Variants in MSH3 observed in about 807,000 individuals in gnomAD.
MSH3 encodes the protein mutS homolog 3.
A neutral mutation model predicts 123.3 loss-of-function variants in MSH3; 106 were observed. That is an observed-to-expected ratio of 0.86 (90% CI 0.73 to 1.01). MSH3 has a LOEUF of 1.01. Ranked by LOEUF, MSH3 falls within the 50% of genes least tolerant of loss-of-function variation. MSH3 has a pLI of 0.00. For synonymous variants in MSH3, 515 were observed against 481.4 expected, an observed-to-expected ratio of 1.07 and a Z score of -0.91; for missense variants, 1,459 against 1,347.6, an observed-to-expected ratio of 1.08 and a Z score of -1.29.
intron 20 of MSH3, among the ~76,000 whole-genome samples, chr5:80,846,884 G>T (rs908424794): frequency 2.6e-5 from 4 of 152,156 alleles, no homozygotes; most frequent in Non-Finnish European, 5.9e-5. Flanking sequence ...GTGAGGCAAC[G>T]CCCTGCCCTG....
intron 8 of MSH3, among the ~76,000 whole-genome samples, chr5:80,705,532 C>G (rs1750702299): frequency 6.6e-6 from 1 of 152,240 alleles, no homozygotes; most frequent in Admixed American, 6.5e-5. Flanking sequence ...AAGCCTGTCT[C>G]TCTCAATAGG....
At chr5:80,859,748 T>A (rs1745984419) in intron 21 of MSH3, among the ~76,000 whole-genome samples, 1 of 151,444 alleles carries the variant, frequency 6.6e-6, no homozygotes, top group Non-Finnish European at 1.5e-5. Context: ...TTTTGGTTTC[T>A]TGGGGTGTTT....
Position 80,795,683 on chromosome 5 carries a change from CT to C in MSH3, c.2655+2845del, listed in dbSNP as rs557960081. Among the ~76,000 whole-genome samples, 470 of 152,204 alleles carry C rather than the reference CT, an allele frequency of 3.1e-3. 5 individuals carry two copies. The highest frequency in any genetic ancestry group is 7.1e-3 in the African/African-American group (296 of 41,528). ...CCCAATGTCTATAAACTTGTTCATT[CT>C]TTTTTAGGAAATTTTTATATGTGGT... On this transcript the variant is annotated intron_variant, in intron 19 of 23. Coordinates refer to ENST00000265081, the MANE Select transcript of MSH3 (RefSeq NM_002439.5).
intron 20 of MSH3, 117 bp from the exon 21 acceptor site, chr5:80,854,013 T>A: frequency 1.2e-6 from 1 of 845,174 alleles, no homozygotes; most frequent in Non-Finnish European, 1.9e-6. Context: ...GAGCTATTAT[T>A]GGCTCAAAAT....
intron 20 of MSH3, among the ~76,000 whole-genome samples, chr5:80,838,425 T>C (rs1245243174): frequency 6.6e-6 from 1 of 152,314 alleles, no homozygotes; most frequent in East Asian, 1.9e-4. Context: ...CGTCTCATGA[T>C]GTGGTGTCAG....
chr5:80,715,602 T>G (rs887019388), intron 8 of MSH3, among the ~76,000 whole-genome samples: 2 of 152,072 alleles, frequency 1.3e-5, no homozygotes, highest in East Asian at 1.9e-4. Context: ...CTGGGTAATT[T>G]ATAAAGAAAA....
intron 20 of MSH3, among the ~76,000 whole-genome samples, chr5:80,818,736 A>G (rs2112062068): frequency 6.6e-6 from 1 of 152,358 alleles, no homozygotes; most frequent in East Asian, 1.9e-4. Context: ...GATATACATC[A>G]CAATAATCAA....
chr5:80,803,520 G>A (rs1010884835), intron 19 of MSH3, among the ~76,000 whole-genome samples: 1 of 97,354 alleles, frequency 1.0e-5, no homozygotes. Context: ...CATTCTGTGG[G>A]TTGTCTCTTC....
chr5:80,787,053 C>A (rs1042135112), intron 17 of MSH3, among the ~76,000 whole-genome samples: 1 of 148,782 alleles, frequency 6.7e-6, no homozygotes, highest in African/African-American at 2.5e-5. Flanking sequence ...TTTATGCCAA[C>A]ATTATAAACT....
chr5:80,871,247 A>C (rs973096396), intron 22 of MSH3, among the ~76,000 whole-genome samples: 2 of 152,186 alleles, frequency 1.3e-5, no homozygotes, highest in African/African-American at 4.8e-5. Context: ...TGAGGGGGAT[A>C]GACCTCTATA....
At chr5:80,703,904 G>A (rs1268472858) in intron 8 of MSH3, among the ~76,000 whole-genome samples, 1 of 151,968 alleles carries the variant, frequency 6.6e-6, no homozygotes, top group Non-Finnish European at 1.5e-5. Context: ...TAATCTCAGG[G>A]GAATCTTTTA....
intron 20 of MSH3, among the ~76,000 whole-genome samples, chr5:80,838,043 G>A (rs540206309): frequency 9.5e-4 from 144 of 152,284 alleles, no homozygotes; most frequent in African/African-American, 3.3e-3. Flanking sequence ...AAGCCAGCTG[G>A]GGAGAAAGTC....
chr5:80,706,539 C>T (rs1363500527), intron 8 of MSH3, among the ~76,000 whole-genome samples: 5 of 152,076 alleles, frequency 3.3e-5, no homozygotes, highest in African/African-American at 4.8e-5. Context: ...TCCTGAGTCA[C>T]AGGAAGCATA....
intron 8 of MSH3, among the ~76,000 whole-genome samples, chr5:80,683,698 T>C (rs1750020894): frequency 6.6e-6 from 1 of 152,206 alleles, no homozygotes; most frequent in Non-Finnish European, 1.5e-5. Context: ...CAGAAGCTTT[T>C]TAACTTCATG....
chr5:80,693,995 A>G (rs16878117), intron 8 of MSH3, among the ~76,000 whole-genome samples: 1,759 of 152,252 alleles, frequency 0.012, 35 homozygotes, highest in African/African-American at 0.04. Flanking sequence ...GTAAGTTAGT[A>G]TGGAATTGGC....
chr5:80,665,997 A>G (rs2112809422), intron 3 of MSH3, among the ~76,000 whole-genome samples: 1 of 152,288 alleles, frequency 6.6e-6, no homozygotes, highest in Non-Finnish European at 1.5e-5. Context: ...TTCCCTCAGA[A>G]TCTTATCTAA....
Position 80,729,460 on chromosome 5 carries a change from G to GTGTA in MSH3, c.1568+496_1568+497insGTAT, listed in dbSNP as rs1277559108. 2.0e-3 allele frequency among the ~76,000 whole-genome samples: 189 copies of GTGTA among 95,014 alleles called. 1 individual carries two copies. Among genetic ancestry groups the GTGTA allele is most frequent in the African/African-American group, 4.9e-3 (117 of 23,870 alleles). 62.3% of individuals were successfully genotyped at this position (95,014 alleles called of 152,430 possible). A position where few individuals can be genotyped will look rare whatever the true frequency, so the allele number is the denominator to read the frequency against. ...TGTGTGTGTGTGTGTGTGTGTGTGT[G>GTGTA]TATATATATATATATATATAAAGAA... On this transcript the variant is annotated intron_variant, in intron 10 of 23. Transcript: ENST00000265081.
chr5:80,851,330 C>T (rs1282030204), intron 20 of MSH3, among the ~76,000 whole-genome samples: 1 of 152,148 alleles, frequency 6.6e-6, no homozygotes, highest in Non-Finnish European at 1.5e-5. Flanking sequence ...CCCCGCAGCA[C>T]TCTTGATAAT....
At chr5:80,675,575 G>A (rs1014759222) in intron 7 of MSH3, among the ~76,000 whole-genome samples, 1 of 152,210 alleles carries the variant, frequency 6.6e-6, no homozygotes, top group Non-Finnish European at 1.5e-5. Flanking sequence ...GAACTGTCAT[G>A]AGAACAGCAA....
Sources: allele counts gnomAD v4.1 joint callset (sites outside exome capture counted in the v4.1 genomes callset), GRCh38; gene constraint gnomAD v4.1.1; transcripts MANE v1.5; gene names NCBI Gene and HGNC (gene_info 2026-07-23, HGNC 2026-07-21).